MGAT4C: variants seen among roughly 807,000 people sequenced by gnomAD.
MGAT4C encodes the protein alpha-1,3-mannosyl-glycoprotein 4-beta-N-acetylglucosaminyltransferase C.
MGAT4C carries 19 observed loss-of-function variants against 40.1 expected under a neutral mutation model. That is an observed-to-expected ratio of 0.47 (90% CI 0.33 to 0.70). MGAT4C has a LOEUF of 0.70. Ranked by LOEUF, MGAT4C falls within the 30% of genes least tolerant of loss-of-function variation. The pLI is 0.02. For missense variants in MGAT4C, 491 were observed against 563.2 expected (o/e 0.87, Z 1.30); for synonymous variants, 181 against 187.1 (o/e 0.97, Z 0.27).
At chr12:86,410,099 A>G (rs199586136) in intron 3 of MGAT4C, among the ~76,000 whole-genome samples, 29 of 149,538 alleles carry the variant, frequency 1.9e-4, no homozygotes, top group African/African-American at 4.2e-4. Context: ...AAAGATCACA[A>G]GGCAAAGGGC....
rs1953891811 is a variant in MGAT4C, at chr12:86,304,644, ATGTACCT to A, written c.-57+29414_-57+29420del. ...AAAAAACTGTTTAAATTTTAACCCT[ATGTACCT>A]GTGAAGATGACCTTACCTGAAAATA... On this transcript the variant is annotated intron_variant, in intron 4 of 7. Transcript: ENST00000548651. Among the ~76,000 whole-genome samples the A allele has an allele frequency of 2.0e-5, 3 of 150,716 alleles. 1 individual carries two copies. Among genetic ancestry groups the A allele is most frequent in the African/African-American group, 7.5e-5 (3 of 40,100 alleles).
At chr12:86,319,363 A>C (rs956524643) in intron 4 of MGAT4C, among the ~76,000 whole-genome samples, 4 of 152,166 alleles carry the variant, frequency 2.6e-5, no homozygotes, top group Non-Finnish European at 4.4e-5. Context: ...ACATACATGC[A>C]TAAGAAATCT....
At chr12:86,612,800 T>A (rs1962331326) in intron 2 of MGAT4C, among the ~76,000 whole-genome samples, 1 of 151,696 alleles carries the variant, frequency 6.6e-6, no homozygotes, top group African/African-American at 2.4e-5. Context: ...AATTAAGCTG[T>A]TTTTCAGAAA....
chr12:86,588,386 C>A (rs7485637), intron 2 of MGAT4C, among the ~76,000 whole-genome samples: 126,557 of 150,952 alleles, frequency 0.84, 53,580 homozygotes, highest in East Asian at 0.96. Context: ...AATACAGGAG[C>A]ACCCAGATTC....
chr12:86,146,154 T>C (rs1367192611), intron 1 of MGAT4C, among the ~76,000 whole-genome samples: 3 of 152,188 alleles, frequency 2.0e-5, no homozygotes, highest in African/African-American at 4.8e-5. Context: ...TTGTTTTCTA[T>C]GATCCGAAGA....
intron 1 of MGAT4C, among the ~76,000 whole-genome samples, chr12:86,778,942 C>A (rs750189920): frequency 6.6e-6 from 1 of 150,470 alleles, no homozygotes; most frequent in Non-Finnish European, 1.5e-5. Flanking sequence ...ATAATGAGAG[C>A]CATTTTATTG....
In MGAT4C at chr12:85,974,845, A is replaced by T. The variant is rs1361733680; in HGVS notation, c.*4444T>A. 1.3e-5 allele frequency: 2 copies of T among 150,668 alleles called. No homozygotes were observed. The highest frequency in any genetic ancestry group is 4.8e-5 in the African/African-American group (2 of 41,288). 9.3% of individuals were successfully genotyped at this position (150,668 alleles called of 1,614,324 possible). A position where few individuals can be genotyped will look rare whatever the true frequency, so the allele number is the denominator to read the frequency against. On this transcript the variant is annotated 3_prime_UTR_variant, in exon 5 of 5. Coordinates refer to ENST00000611864, the MANE Select transcript of MGAT4C (RefSeq NM_001351288.2). ...GACTAGCAGATAAGATACCTATTTC[A>T]AACATCAGTGCCAAGGTAATTTATA...
At chr12:86,769,766 C>CA (rs1200116605) in intron 1 of MGAT4C, among the ~76,000 whole-genome samples, 1 of 151,874 alleles carries the variant, frequency 6.6e-6, no homozygotes, top group Non-Finnish European at 1.5e-5. Flanking sequence ...ATCGCAAGGA[C>CA]AAAAAACCAA....
intron 2 of MGAT4C, among the ~76,000 whole-genome samples, chr12:86,445,123 G>T (rs1325052557): frequency 6.6e-6 from 1 of 152,136 alleles, no homozygotes; most frequent in East Asian, 1.9e-4. Context: ...GATGGTTTCA[G>T]TAGTATATAC....
At chr12:86,464,063 T>C (rs891154207) in intron 2 of MGAT4C, among the ~76,000 whole-genome samples, 8 of 152,144 alleles carry the variant, frequency 5.3e-5, no homozygotes, top group African/African-American at 1.4e-4. Flanking sequence ...GAGTGCTTTT[T>C]AAGTTTGGTT....
chr12:86,836,582 A>G (rs182338450), intron 1 of MGAT4C, among the ~76,000 whole-genome samples: 1 of 152,232 alleles, frequency 6.6e-6, no homozygotes, highest in East Asian at 1.9e-4. Flanking sequence ...GCAGATTTCA[A>G]TGGCTGGGTA....
intron 1 of MGAT4C, among the ~76,000 whole-genome samples, chr12:86,056,271 C>CACGTGCACA (rs1358830978): frequency 6.6e-6 from 1 of 152,144 alleles, no homozygotes; most frequent in Non-Finnish European, 1.5e-5. Context: ...TTCTAGGGTA[C>CACGTGCACA]ACGTGCACAA....
chr12:86,387,308 T>A (rs1956070622), intron 3 of MGAT4C, among the ~76,000 whole-genome samples: 1 of 152,100 alleles, frequency 6.6e-6, no homozygotes, highest in Non-Finnish European at 1.5e-5. Flanking sequence ...TATTTGATAT[T>A]GTAAATAACA....
intron 3 of MGAT4C, among the ~76,000 whole-genome samples, chr12:86,351,232 G>A (rs1367927944): frequency 1.3e-5 from 2 of 151,794 alleles, no homozygotes; most frequent in African/African-American, 2.4e-5. Context: ...TTTCCTTCTT[G>A]TGAGACTGTA....
At chr12:86,566,760 G>GTGTA (rs771093227) in intron 2 of MGAT4C, among the ~76,000 whole-genome samples, 27 of 146,938 alleles carry the variant, frequency 1.8e-4, no homozygotes, top group Non-Finnish European at 3.4e-4. Flanking sequence ...GTGTGTGTGT[G>GTGTA]TATATATATA....
chr12:86,236,194 A>G (rs1951534152), intron 1 of MGAT4C, among the ~76,000 whole-genome samples: 1 of 152,010 alleles, frequency 6.6e-6, no homozygotes, highest in African/African-American at 2.4e-5. Flanking sequence ...GTCTAATATA[A>G]CAATTTAAAG....
chr12:86,120,730 C>T (rs1879244819), intron 1 of MGAT4C, among the ~76,000 whole-genome samples: 1 of 152,142 alleles, frequency 6.6e-6, no homozygotes, highest in Admixed American at 6.5e-5. Context: ...ACACCAAAAT[C>T]CCATCCATAC....
chr12:86,101,658 T>C (rs935419918), intron 1 of MGAT4C, among the ~76,000 whole-genome samples: 15 of 151,790 alleles, frequency 9.9e-5, no homozygotes, highest in Non-Finnish European at 1.8e-4. Flanking sequence ...ATCATCTATG[T>C]AGGTAACCAA....
At chr12:86,194,676 A>T (rs1949733012) in intron 1 of MGAT4C, among the ~76,000 whole-genome samples, 1 of 150,302 alleles carries the variant, frequency 6.7e-6, no homozygotes, top group Non-Finnish European at 1.5e-5. Context: ...GTTGGCCGTG[A>T]TGGTCTTGAA....
Sources: gnomAD v4.1 joint callset for allele counts (sites outside exome capture counted in the v4.1 genomes callset) on GRCh38, gnomAD v4.1.1 for gene constraint, MANE v1.5 for transcripts, NCBI Gene and HGNC (gene_info 2026-07-23, HGNC 2026-07-21) for gene names.